KANSL1: variants seen among roughly 807,000 people sequenced by gnomAD.
KANSL1 encodes the protein KAT8 regulatory NSL complex subunit 1, also known as MLL1/MLL complex subunit KANSL1.
A neutral mutation model predicts 103.6 loss-of-function variants in KANSL1; 22 were observed. The ratio of observed to expected loss-of-function variants is 0.21; its 90% CI spans 0.15 to 0.30. KANSL1 has a LOEUF of 0.30. Ranked by LOEUF, KANSL1 falls within the 10% of genes least tolerant of loss-of-function variation. The pLI is 1.00. For synonymous variants in KANSL1, 600 were observed against 527.6 expected, an observed-to-expected ratio of 1.14 and a Z score of -1.88; for missense variants, 1,337 against 1,399.8, an observed-to-expected ratio of 0.96 and a Z score of 0.72.
intron 2 of KANSL1, among the ~76,000 whole-genome samples, chr17:46,116,682 CTTTACT>C (rs72159338): frequency 0.029 from 4,453 of 152,270 alleles, 177 homozygotes; most frequent in African/African-American, 0.09. Context: ...CAGAGGTTCC[CTTTACT>C]TTTAAGTGCA....
At chr17:46,127,471 GA>G (rs2043630178) in intron 2 of KANSL1, among the ~76,000 whole-genome samples, 1 of 152,180 alleles carries the variant, frequency 6.6e-6, no homozygotes. Context: ...AACAAAAAAA[GA>G]AACAGTTTTA....
intron 4 of KANSL1, among the ~76,000 whole-genome samples, chr17:46,080,498 A>T (rs1481397605): frequency 6.6e-6 from 1 of 151,996 alleles, no homozygotes; most frequent in Non-Finnish European, 1.5e-5. Context: ...AATTTAAAAC[A>T]AAACAAAACA....
intron 1 of KANSL1, chr17:46,222,644 A>C (rs2048567066): frequency 6.6e-6 from 1 of 152,316 alleles, no homozygotes; most frequent in African/African-American, 2.4e-5. Flanking sequence ...ATTTCCCACA[A>C]GTCCAGATAT....
intron 1 of KANSL1, among the ~76,000 whole-genome samples, chr17:46,219,448 C>T (rs1481612436): frequency 1.3e-5 from 2 of 152,184 alleles, no homozygotes; most frequent in Admixed American, 6.5e-5. Flanking sequence ...CTGCAACCTC[C>T]ACCTCCCAGG....
chr17:46,113,114 C>T (rs2042893454), intron 2 of KANSL1, among the ~76,000 whole-genome samples: 1 of 152,054 alleles, frequency 6.6e-6, no homozygotes, highest in East Asian at 1.9e-4. Context: ...TTTGTTGTCA[C>T]AACTGGGGGT....
intron 7 of KANSL1, chr17:46,050,257 C>T (rs911857041): frequency 1.7e-5 from 8 of 462,406 alleles, no homozygotes; most frequent in Middle Eastern, 5.6e-4. Context: ...GTATTTTGGA[C>T]CAGATTACTG....
intron 2 of KANSL1, among the ~76,000 whole-genome samples, chr17:46,160,490 C>T (rs148317857): frequency 3.9e-5 from 6 of 152,200 alleles, no homozygotes; most frequent in South Asian, 2.1e-4. Context: ...GAAGGGGTTT[C>T]GCCATGTTAC....
chr17:46,174,098 A>T (rs1046657117), intron 1 of KANSL1, among the ~76,000 whole-genome samples: 1 of 152,236 alleles, frequency 6.6e-6, no homozygotes, highest in East Asian at 1.9e-4. Flanking sequence ...TAAAATCTGA[A>T]TTTTTTAGGC....
At chr17:46,121,934 TCATCTAACA>T (rs1555555626) in intron 2 of KANSL1, among the ~76,000 whole-genome samples, 1 of 152,142 alleles carries the variant, frequency 6.6e-6, no homozygotes, top group Non-Finnish European at 1.5e-5. Flanking sequence ...TTGGGCAAAA[TCATCTAACA>T]CAAAGCCTAT....
chr17:46,125,780 A>G (rs937189668), intron 2 of KANSL1, among the ~76,000 whole-genome samples: 1 of 152,212 alleles, frequency 6.6e-6, no homozygotes, highest in African/African-American at 2.4e-5. Context: ...AACAGATTCT[A>G]CCATCATTGT....
In KANSL1 at chr17:46,032,191, T is replaced by C. The variant is rs1057469020; in HGVS notation, c.2946A>G (p.Glu982=). Residue 982 remains glutamate (E), a synonymous_variant, in exon 14 of 15, where the codon GAA becomes GAG. Transcript: ENST00000432791. ...PDVSSSHSLS[E]YSHGQSPRSP... is the part of the protein sequence containing the mutation. ...TCCTAGGGGACTGACCATGGGAGTA[T>C]TCTGACAAAGAGTGGCTACTGCTGA... 1 of 1,610,042 alleles carries C rather than the reference T, an allele frequency of 6.2e-7. No individual in the cohort carries two copies. The highest frequency in any genetic ancestry group is 8.5e-7 in the Non-Finnish European group (1 of 1,177,294).
intron 6 of KANSL1, among the ~76,000 whole-genome samples, chr17:46,060,838 C>T (rs1362266950): frequency 6.6e-6 from 1 of 152,152 alleles, no homozygotes; most frequent in African/African-American, 2.4e-5. Flanking sequence ...AAAAATGTCA[C>T]TCTTCAAGTG....
chr17:46,220,665 T>C (rs1425076798), intron 1 of KANSL1, among the ~76,000 whole-genome samples: 2 of 152,270 alleles, frequency 1.3e-5, no homozygotes, highest in Non-Finnish European at 2.9e-5. Context: ...CACCATTTTC[T>C]TATTTATTCT....
intron 3 of KANSL1, among the ~76,000 whole-genome samples, chr17:46,088,181 T>C (rs1338715922): frequency 6.6e-6 from 1 of 152,214 alleles, no homozygotes; most frequent in African/African-American, 2.4e-5. Flanking sequence ...CACAGTTACA[T>C]GCAGCCTTAA....
intron 2 of KANSL1, among the ~76,000 whole-genome samples, chr17:46,115,349 C>T (rs1185083722): frequency 1.3e-5 from 2 of 152,092 alleles, no homozygotes; most frequent in Non-Finnish European, 1.5e-5. Context: ...CGTGAGCCAC[C>T]GTGTCCAGCC....
At chr17:46,078,666 G>C (rs939182271) in intron 4 of KANSL1, among the ~76,000 whole-genome samples, 10 of 152,178 alleles carry the variant, frequency 6.6e-5, no homozygotes, top group Non-Finnish European at 1.0e-4. Flanking sequence ...CTGAAATTTT[G>C]CTGACATTGT....
intron 2 of KANSL1, among the ~76,000 whole-genome samples, chr17:46,105,925 ACACACACACACACACACACACACC>A (rs1368749705): frequency 4.2e-5 from 4 of 96,334 alleles, no homozygotes; most frequent in Non-Finnish European, 6.7e-5. Context: ...ACACACACAC[ACACACACACACACACACACACACC>A]CCCCCAGAAG....
chr17:46,056,884 A>C (rs1248739007), intron 6 of KANSL1, among the ~76,000 whole-genome samples: 1 of 152,250 alleles, frequency 6.6e-6, no homozygotes, highest in East Asian at 1.9e-4. Context: ...GTAGATATCT[A>C]GCAGCATCTC....
At chr17:46,065,535 A>G (rs1329716595) in intron 6 of KANSL1, among the ~76,000 whole-genome samples, 1 of 152,164 alleles carries the variant, frequency 6.6e-6, no homozygotes, top group African/African-American at 2.4e-5. Context: ...CATGTTACAT[A>G]TATTTCATTG....
Sources: gnomAD v4.1 joint callset for allele counts (sites outside exome capture counted in the v4.1 genomes callset) on GRCh38, gnomAD v4.1.1 for gene constraint, MANE v1.5 for transcripts, NCBI Gene and HGNC (gene_info 2026-07-23, HGNC 2026-07-21) for gene names.